VPS37B: variants seen among roughly 807,000 people sequenced by gnomAD.
VPS37B encodes vacuolar protein sorting-associated protein 37B.
In VPS37B, 11 loss-of-function variants were observed where a neutral mutation model predicts 21.2. The ratio of observed to expected loss-of-function variants is 0.52; its 90% confidence interval spans 0.33 to 0.86. VPS37B has a LOEUF of 0.86. Ranked by LOEUF, VPS37B falls within the 40% of genes least tolerant of loss-of-function variation. The pLI is 0.03. For synonymous variants in VPS37B, 175 were observed against 159.6 expected (o/e 1.10, Z -0.73); for missense variants, 389 against 374.8 (o/e 1.04, Z -0.31).
intron 1 of VPS37B, among the ~76,000 whole-genome samples, chr12:122,890,332 C>A (rs961087889): frequency 1.3e-5 from 2 of 149,382 alleles, no homozygotes; most frequent in East Asian, 1.9e-4. Flanking sequence ...AGAATTCACA[C>A]GTGGCTTTTT....
intron 1 of VPS37B, chr12:122,872,426 C>A: frequency 1.0e-6 from 1 of 985,454 alleles, no homozygotes. Context: ...GAAAACCAAA[C>A]CTCTCTCCCA....
chr12:122,887,592 T>G (rs2034347586), intron 1 of VPS37B: 1 of 152,250 alleles, frequency 6.6e-6, no homozygotes, highest in Non-Finnish European at 1.5e-5. Flanking sequence ...TTATGAGTCA[T>G]TCATCTTCTC....
At chr12:122,872,208 T>G (rs2034052867) in intron 1 of VPS37B, 1 of 985,092 alleles carries the variant, frequency 1.0e-6, no homozygotes, top group African/African-American at 1.8e-5. Context: ...CTCACACGAG[T>G]GCACACGCAC....
intron 1 of VPS37B, among the ~76,000 whole-genome samples, chr12:122,891,017 G>A (rs2034404034): frequency 6.6e-6 from 1 of 152,154 alleles, no homozygotes; most frequent in South Asian, 2.1e-4. Context: ...TTCACTCTGT[G>A]CTAAGTATCA....
In VPS37B at chr12:122,868,386, C is replaced by A; in HGVS notation, c.366+94G>T. The A allele has an allele frequency of 8.5e-7, 1 of 1,170,158 alleles. No individual in the cohort carries two copies. The highest frequency in any genetic ancestry group is 2.5e-5 in the East Asian group (1 of 39,954). 72.5% of individuals were successfully genotyped at this position (1,170,158 alleles called of 1,614,324 possible). The stretch of plus-strand genomic sequence containing the variant: ...TACACCTGGGAGGCACCACTCCTGG[C>A]CGTGGCGGTGTGGCACTCACGGTCC... On this transcript the variant is annotated intron_variant, in intron 3 of 3. Transcript: ENST00000267202. This position sits in a 1 kb window ranked among gnomAD's most constrained non-coding sequence, Gnocchi z 5.5.
intron 1 of VPS37B, among the ~76,000 whole-genome samples, chr12:122,893,286 C>G (rs774519747): frequency 6.6e-6 from 1 of 152,174 alleles, no homozygotes; most frequent in African/African-American, 2.4e-5. Flanking sequence ...GGCATCATCT[C>G]ACCTGATCCT....
rs1396108841 is a variant in VPS37B at position 122,868,191 on chromosome 12, G to A, written c.366+289C>T. On this transcript the variant is annotated intron_variant, in intron 3 of 3. Coordinates refer to ENST00000267202, the MANE Select transcript of VPS37B (RefSeq NM_024667.3). This position sits in a 1 kb window ranked among gnomAD's most constrained non-coding sequence, Gnocchi z 5.5. ...TCCTCCCAGCTGGCCCTTGAACGAC[G>A]GCACGTGGTAATCCGCCACTGGCCC... Among the ~76,000 whole-genome samples, 10 of 152,336 alleles carry A rather than the reference G, an allele frequency of 6.6e-5. No individual in the cohort carries two copies. Among genetic ancestry groups the A allele is most frequent in the Non-Finnish European group, 1.3e-4 (9 of 68,020 alleles).
chr12:122,896,012 C>A lies in VPS37B; in HGVS notation c.51G>T (p.Gln17His). ...EARFAGLSLVQLNELLEDEGQ... is the reference protein window; with the variant it reads ...EARFAGLSLVHLNELLEDEGQ... Reference sequence around the variant, plus strand: ...CCTCGTCCTCCAGCAGCTCGTTGAGCTGCACCAGCGACAGCCCGGCGAACC... The same window carrying A: ...CCTCGTCCTCCAGCAGCTCGTTGAGATGCACCAGCGACAGCCCGGCGAACC... The change falls in exon 1 of 4, where the codon CAG becomes CAT. Residue 17 changes from glutamine (Q) to histidine (H), a missense_variant. Gln to His is a conservative substitution (Grantham distance 24). Transcript: ENST00000267202. 1 of 1,602,612 alleles carries A rather than the reference C, an allele frequency of 6.2e-7. No homozygotes were observed. Among genetic ancestry groups the A allele is most frequent in the Non-Finnish European group, 8.5e-7 (1 of 1,176,100 alleles).
intron 1 of VPS37B, 154 bp from the exon 2 acceptor site, chr12:122,871,215 G>C: frequency 7.2e-7 from 1 of 1,397,120 alleles, no homozygotes. Flanking sequence ...TACTGACCCA[G>C]AGCCAAGCCC....
In VPS37B at chr12:122,872,094, C is replaced by T. The variant is rs1368370386; in HGVS notation, c.112-1033G>A. The T allele has an allele frequency of 6.1e-6, 6 of 985,284 alleles. No homozygotes were observed. The African/African-American group carries it at 7.0e-5, about 11-fold the overall frequency. The allele number at this position is 985,284 out of a possible 1,614,324, so 61.0% of individuals were successfully genotyped here. Reference sequence around the variant, plus strand: ...CACCCCACCCAGGCTATTTTTGCTGCGACTTCCTTCCTCTTAGTAGCTCGA... The same window carrying T: ...CACCCCACCCAGGCTATTTTTGCTGTGACTTCCTTCCTCTTAGTAGCTCGA... On this transcript the variant is annotated intron_variant, in intron 1 of 3. Coordinates refer to ENST00000267202, the MANE Select transcript of VPS37B (RefSeq NM_024667.3).
chr12:122,896,006 G>C lies in VPS37B; in HGVS notation c.57C>G (p.Asn19Lys). The C allele has an allele frequency of 1.2e-6, 2 of 1,605,100 alleles. No individual in the cohort carries two copies. The highest frequency in any genetic ancestry group is 1.7e-6 in the Non-Finnish European group (2 of 1,176,956). Reference protein sequence around the residue: ...RFAGLSLVQLNELLEDEGQLT... With the variant: ...RFAGLSLVQLKELLEDEGQLT... Reference sequence around the variant, plus strand: ...GCTGGCCCTCGTCCTCCAGCAGCTCGTTGAGCTGCACCAGCGACAGCCCGG... The same window carrying C: ...GCTGGCCCTCGTCCTCCAGCAGCTCCTTGAGCTGCACCAGCGACAGCCCGG... The change falls in exon 1 of 4, where the codon AAC becomes AAG. Residue 19 changes from asparagine to lysine, a missense_variant. Coordinates refer to ENST00000267202, the MANE Select transcript of VPS37B (RefSeq NM_024667.3).
rs1484387681 is a variant in VPS37B, at chr12:122,866,502, C to A, written c.*614G>T. ...CCCCTCCCACACCAGTGGCCGTTCT[C>A]CGGCCTCTGGACTCGGCAGTGGGCC... On this transcript the variant is annotated 3_prime_UTR_variant, in exon 4 of 4. Coordinates refer to ENST00000267202, the MANE Select transcript of VPS37B (RefSeq NM_024667.3). 6.6e-6 allele frequency: 1 copy of A among 152,534 alleles called. No homozygotes were observed. The highest frequency in any genetic ancestry group is 1.5e-5 in the Non-Finnish European group (1 of 68,050). The allele number at this position is 152,534 out of a possible 1,614,324, so 9.4% of individuals were successfully genotyped here.
chr12:122,866,810 T>C lies in VPS37B; in HGVS notation c.*306A>G, dbSNP rs558183722. ...GAAGGACCACGATTCTAAATGGGAC[T>C]GGGGGAGAGGCCTATTTCTTCCCAA... is the stretch of plus-strand genomic sequence containing the variant. On this transcript the variant is annotated 3_prime_UTR_variant, in exon 4 of 4. Coordinates refer to ENST00000267202, the MANE Select transcript of VPS37B (RefSeq NM_024667.3). 2 of 337,014 alleles carry C rather than the reference T, an allele frequency of 5.9e-6. No individual in the cohort carries two copies. The highest frequency in any genetic ancestry group is 1.2e-4 in the South Asian group (1 of 8,044). 20.9% of individuals were successfully genotyped at this position (337,014 alleles called of 1,614,324 possible).
At chr12:122,887,352 G>A (rs1385735761) in intron 1 of VPS37B, 1 of 152,224 alleles carries the variant, frequency 6.6e-6, no homozygotes, top group Non-Finnish European at 1.5e-5. Flanking sequence ...AGAGGATCAA[G>A]CCCAAGCTCC....
intron 1 of VPS37B, chr12:122,877,422 C>T (rs186995356): frequency 3.9e-5 from 6 of 152,174 alleles, no homozygotes; most frequent in Non-Finnish European, 8.8e-5. Flanking sequence ...TGTTCTATCA[C>T]GCAGGCTGAC....
In VPS37B at chr12:122,867,358, G is replaced by A. The variant is rs765772811; in HGVS notation, c.616C>T (p.Arg206Cys). 15 of 1,560,720 alleles carry A rather than the reference G, an allele frequency of 9.6e-6. No individual in the cohort carries two copies. The highest frequency in any genetic ancestry group is 1.2e-5 in the Non-Finnish European group (14 of 1,153,278). Reference protein sequence around the residue: ...ASGPPAVAPRRIPPPPPPVPA... With the variant: ...ASGPPAVAPRCIPPPPPPVPA... The stretch of plus-strand genomic sequence containing the variant: ...ACCGGGGGTGGTGGGGGGGGGATGC[G>A]CCGAGGTGCAACGGCAGGAGGCCCA... The change falls in exon 4 of 4, where the codon CGC becomes TGC. Residue 206 changes from arginine to cysteine, a missense_variant. Transcript: ENST00000267202. This position sits in a 1 kb window ranked among gnomAD's most constrained non-coding sequence, Gnocchi z 5.5.
chr12:122,885,790 TCTC>T (rs1273076966), intron 1 of VPS37B: 3 of 147,844 alleles, frequency 2.0e-5, no homozygotes, highest in South Asian at 2.2e-4. Context: ...TTCACGCCAT[TCTC>T]CTGCCTCAGC....
chr12:122,893,794 G>C (rs1051186664), intron 1 of VPS37B, among the ~76,000 whole-genome samples: 1 of 146,614 alleles, frequency 6.8e-6, no homozygotes. Flanking sequence ...ACTTCTCTTG[G>C]GTATTCAGGT....
At chr12:122,890,268 A>T (rs1244484999) in intron 1 of VPS37B, 1 of 152,152 alleles carries the variant, frequency 6.6e-6, no homozygotes, top group East Asian at 1.9e-4. Context: ...TGTCTCTTGC[A>T]TCAGAAACCT....
Sources: allele counts gnomAD v4.1 joint callset (sites outside exome capture counted in the v4.1 genomes callset), GRCh38; gene constraint gnomAD v4.1.1; non-coding constraint Gnocchi (gnomAD v3.1); transcripts MANE v1.5; gene names NCBI Gene and HGNC (gene_info 2026-07-23, HGNC 2026-07-21).